TLN2: variants seen among roughly 807,000 people sequenced by gnomAD.
TLN2 encodes the protein talin 2.
A neutral mutation model predicts 294.7 loss-of-function variants in TLN2; 118 were observed. That is an observed-to-expected ratio of 0.40 (90% CI 0.34 to 0.47). The LOEUF (loss-of-function observed/expected upper bound fraction) is 0.47. TLN2 is among the 20% of genes least tolerant of loss of function. The pLI is 0.84. For missense variants in TLN2, 3,083 were observed against 3,282.2 expected (o/e 0.94, Z 1.48); for synonymous variants, 1,431 against 1,304.5 (o/e 1.10, Z -2.09).
At chr15:62,451,548 T>A (rs2036151355) in intron 1 of TLN2, among the ~76,000 whole-genome samples, 1 of 152,118 alleles carries the variant, frequency 6.6e-6, no homozygotes, top group South Asian at 2.1e-4. Flanking sequence ...TCCCAGTTAC[T>A]CAGGAGGCGG....
intron 1 of TLN2, among the ~76,000 whole-genome samples, chr15:62,461,394 A>G (rs927704207): frequency 3.3e-5 from 5 of 152,036 alleles, no homozygotes; most frequent in Admixed American, 1.3e-4. Flanking sequence ...GTACTCATTC[A>G]TTTTGTTCAT....
chr15:62,686,757 C>T lies in TLN2; in HGVS notation c.1074C>T (p.Thr358=), dbSNP rs1240578928. 54 of 1,613,452 alleles carry T rather than the reference C, an allele frequency of 3.3e-5. No individual in the cohort carries two copies. Among genetic ancestry groups the T allele is most frequent in the East Asian group, 6.7e-5 (3 of 44,882 alleles). Residue 358 remains threonine, a synonymous_variant, in exon 12 of 59, where the codon ACC becomes ACT. Coordinates refer to ENST00000636159, the MANE Select transcript of TLN2 (RefSeq NM_015059.3). ...TGCTGCAGGAGTGGCCCCTCACCAC[C>T]GTCAAGCGCTGGGCAGCCTCACCCA... is the stretch of plus-strand genomic sequence containing the variant. ...KEVLQEWPLT[T]VKRWAASPKS... is the part of the protein sequence containing the mutation.
chr15:62,526,341 G>A (rs911431385), intron 1 of TLN2, among the ~76,000 whole-genome samples: 1 of 152,126 alleles, frequency 6.6e-6, no homozygotes, highest in African/African-American at 2.4e-5. Context: ...TGTTGGCCAG[G>A]CTGGTCATTA....
At chr15:62,446,277 G>C (rs2035819229) in intron 1 of TLN2, among the ~76,000 whole-genome samples, 1 of 152,154 alleles carries the variant, frequency 6.6e-6, no homozygotes, top group Non-Finnish European at 1.5e-5. Context: ...ACAGGTGCGA[G>C]CCACCGCGCC....
intron 1 of TLN2, among the ~76,000 whole-genome samples, chr15:62,535,470 A>C (rs2041287839): frequency 8.4e-6 from 1 of 118,654 alleles, no homozygotes; most frequent in African/African-American, 3.0e-5. Context: ...CTGTGTGTAC[A>C]CACACACACA....
chr15:62,499,949 C>CA (rs765020812), intron 1 of TLN2, among the ~76,000 whole-genome samples: 39 of 147,570 alleles, frequency 2.6e-4, no homozygotes, highest in Middle Eastern at 6.9e-3. Flanking sequence ...AACAAACAAA[C>CA]AAACAAAAAA....
At chr15:62,772,232 T>C (rs1397780428) in intron 42 of TLN2, among the ~76,000 whole-genome samples, 1 of 152,174 alleles carries the variant, frequency 6.6e-6, no homozygotes, top group Non-Finnish European at 1.5e-5. Flanking sequence ...CCTGGAATTA[T>C]AGGTGCAAAC....
At chr15:62,632,865 G>C (rs2050038866) in intron 3 of TLN2, among the ~76,000 whole-genome samples, 1 of 152,162 alleles carries the variant, frequency 6.6e-6, no homozygotes, top group African/African-American at 2.4e-5. Context: ...GGAGCGAACT[G>C]ACAAGGAAAA....
At chr15:62,586,696 A>G (rs561402017) in intron 1 of TLN2, among the ~76,000 whole-genome samples, 2 of 152,356 alleles carry the variant, frequency 1.3e-5, no homozygotes, top group South Asian at 4.1e-4. Flanking sequence ...TACACATGTT[A>G]TAATGGAAAG....
In TLN2 at chr15:62,716,360, C is replaced by G. The variant is rs530601554; in HGVS notation, c.2664C>G (p.Asp888Glu). Residue 888 changes from aspartate to glutamate, a missense_variant, in exon 23 of 59, where the codon GAC (aspartate) becomes GAG (glutamate). Asp to Glu is a conservative substitution (Grantham distance 45). Coordinates refer to ENST00000636159, the MANE Select transcript of TLN2 (RefSeq NM_015059.3). Reference protein sequence around the residue: ...KGAAANPENEDQQQRLREAAE... With the variant: ...KGAAANPENEEQQQRLREAAE... ...CTGCAGCCAACCCAGAGAATGAGGA[C>G]CAGCAGCAAAGGCTGAGAGAAGCTG... is the stretch of plus-strand genomic sequence containing the variant. 3 of 1,609,152 alleles carry G rather than the reference C, an allele frequency of 1.9e-6. No individual in the cohort carries two copies. The South Asian group carries it at 3.3e-5, about 18-fold the overall frequency.
chr15:62,797,186 TC>T, intron 47 of TLN2, 32 bp from the exon 48 acceptor site: 1 of 1,611,756 alleles, frequency 6.2e-7, no homozygotes, highest in South Asian at 1.1e-5. Context: ...CCTCTGTCTC[TC>T]CCCCTCTCCC....
intron 11 of TLN2, among the ~76,000 whole-genome samples, chr15:62,677,383 A>T (rs2056333575): frequency 6.6e-6 from 1 of 152,220 alleles, no homozygotes; most frequent in Non-Finnish European, 1.5e-5. Flanking sequence ...AGTTTCAGTG[A>T]CGTGCTAAAA....
chr15:62,808,573 A>C (rs1471611450), intron 51 of TLN2, among the ~76,000 whole-genome samples: 2 of 152,188 alleles, frequency 1.3e-5, no homozygotes, highest in Non-Finnish European at 2.9e-5. Context: ...AGCCCCCAGC[A>C]GTGCACGCAA....
At chr15:62,605,757 A>G (rs2047382802) in intron 2 of TLN2, among the ~76,000 whole-genome samples, 1 of 152,190 alleles carries the variant, frequency 6.6e-6, no homozygotes, top group South Asian at 2.1e-4. Flanking sequence ...GGTGTATCTA[A>G]GTCACGTTGG....
At chr15:62,737,154 C>A in intron 29 of TLN2, 68 bp downstream of exon 29, 1 of 1,535,904 alleles carries the variant, frequency 6.5e-7, no homozygotes. Context: ...GTCGGGCTGT[C>A]TCCTGGGCAC....
chr15:62,500,567 C>G (rs2039253244), intron 1 of TLN2, among the ~76,000 whole-genome samples: 1 of 152,096 alleles, frequency 6.6e-6, no homozygotes, highest in African/African-American at 2.4e-5. Flanking sequence ...CCTTTGGACC[C>G]TTGGTGTCTA....
At chr15:62,433,563 G>C (rs2035130388) in intron 1 of TLN2, among the ~76,000 whole-genome samples, 1 of 152,138 alleles carries the variant, frequency 6.6e-6, no homozygotes, top group South Asian at 2.1e-4. Context: ...TTACCTGCTT[G>C]CTTCGGGTCT....
intron 9 of TLN2, among the ~76,000 whole-genome samples, chr15:62,669,628 C>A (rs1056742686): frequency 6.6e-6 from 1 of 152,132 alleles, no homozygotes; most frequent in East Asian, 1.9e-4. Context: ...GGAAAATTTC[C>A]AATCAACTTT....
intron 20 of TLN2, among the ~76,000 whole-genome samples, 192 bp downstream of exon 20, chr15:62,707,445 C>G (rs2059139996): frequency 6.6e-6 from 1 of 152,162 alleles, no homozygotes; most frequent in South Asian, 2.1e-4. Context: ...TGTTCTTTGC[C>G]CAAGTCCTCA....
Sources: gnomAD v4.1 joint callset for allele counts (sites outside exome capture counted in the v4.1 genomes callset) on GRCh38, gnomAD v4.1.1 for gene constraint, MANE v1.5 for transcripts, NCBI Gene and HGNC (gene_info 2026-07-23, HGNC 2026-07-21) for gene names.